Variants in RARB observed in about 807,000 individuals in gnomAD.
The protein encoded by RARB is HBV-activated protein.
In RARB, 17 loss-of-function variants were observed where a neutral mutation model predicts 51.9. The observed-to-expected ratio is 0.33, with a 90% CI of 0.22 to 0.49. The LOEUF (loss-of-function observed/expected upper bound fraction) is 0.49. Among genes scored for constraint, RARB ranks in the 20% least tolerant of loss-of-function variants. The pLI is 0.99. For synonymous variants in RARB, 215 were observed against 195.4 expected (o/e 1.10, Z -0.84); for missense variants, 369 against 550.8 (o/e 0.67, Z 3.30).
At chr3:24,954,815 AG>A (rs1459892857) in intron 2 of RARB, among the ~76,000 whole-genome samples, 29 of 152,316 alleles carry the variant, frequency 1.9e-4, no homozygotes, top group African/African-American at 7.0e-4. Context: ...ACTTGCAAAA[AG>A]GGTGTGACTC....
chr3:24,981,199 G>A (rs1696662857), intron 2 of RARB, among the ~76,000 whole-genome samples: 1 of 152,172 alleles, frequency 6.6e-6, no homozygotes, highest in African/African-American at 2.4e-5. Context: ...CCTGGGAGAT[G>A]TCTCCCAGTC....
chr3:24,860,338 C>T (rs1702727138), intron 2 of RARB, among the ~76,000 whole-genome samples: 1 of 152,326 alleles, frequency 6.6e-6, no homozygotes, highest in Non-Finnish European at 1.5e-5. Context: ...CTCACCTCCT[C>T]TCAGCCTTCT....
chr3:25,132,159 A>T lies in RARB; in HGVS notation c.-327-2A>T, dbSNP rs1442947308. Among the ~76,000 whole-genome samples the T allele has an allele frequency of 6.6e-6, 1 of 151,918 alleles. No individual in the cohort carries two copies. The highest frequency in any genetic ancestry group is 1.5e-5 in the Non-Finnish European group (1 of 67,908). ...CCCAGTTTTTCCTCTCTTCTCCTCA[A>T]GGAAGGCTTCAGTCTCTTCCTTCTT... On this transcript the variant is annotated splice_acceptor_variant, in intron 3 of 11. Transcript: ENST00000383772. LOFTEE classifies it low-confidence loss of function (5UTR_SPLICE).
chr3:25,311,877 G>T (rs1031877920), intron 5 of RARB, among the ~76,000 whole-genome samples: 10 of 152,148 alleles, frequency 6.6e-5, no homozygotes, highest in African/African-American at 2.4e-4. Flanking sequence ...CTCAAGCTCT[G>T]CCTCCTGGTT....
Position 25,190,049 on chromosome 3 carries a change from A to G in RARB, c.178+15474A>G, listed in dbSNP as rs142686101. ...TTGCATAGAGCCTCAGTTAAGCCCAATTTATTCCTCAGTTTGGGTCAATTT... is the reference window on the plus strand; with the variant it reads ...TTGCATAGAGCCTCAGTTAAGCCCAGTTTATTCCTCAGTTTGGGTCAATTT... On this transcript the variant is annotated intron_variant, in intron 5 of 11. Transcript: ENST00000383772. Among the ~76,000 whole-genome samples the G allele has an allele frequency of 4.3e-3, 652 of 152,218 alleles. 6 individuals carry two copies. Among genetic ancestry groups the G allele is most frequent in the African/African-American group, 0.015 (636 of 41,542 alleles).
chr3:25,492,449 A>G (rs926786321), intron 2 of RARB, among the ~76,000 whole-genome samples: 1 of 152,192 alleles, frequency 6.6e-6, no homozygotes, highest in Non-Finnish European at 1.5e-5. Context: ...CTGGGACATC[A>G]TAGACTTTGG....
At chr3:25,171,648 A>AAAAAAAAAAAC (rs1370973281) in intron 4 of RARB, among the ~76,000 whole-genome samples, 3 of 146,410 alleles carry the variant, frequency 2.0e-5, no homozygotes, top group East Asian at 4.0e-4. Context: ...GTTGGTAAAA[A>AAAAAAAAAAAC]AAAAAAAAAA....
At chr3:24,882,228 C>T (rs780228817) in intron 2 of RARB, among the ~76,000 whole-genome samples, 2 of 152,112 alleles carry the variant, frequency 1.3e-5, no homozygotes, top group Non-Finnish European at 2.9e-5. Flanking sequence ...AGTTGAGTTA[C>T]ATTAAACATA....
Position 24,877,346 on chromosome 3 carries a change from C to CTTTTTTTTTTTTTTTTTTTTTTTTT in RARB, c.-380+18611_-380+18612insTTTTTTTTTTTTTTTTTTTTTTTTT, listed in dbSNP as rs66976672. On this transcript the variant is annotated intron_variant, in intron 2 of 11. Coordinates refer to the RARB transcript ENST00000383772. The stretch of plus-strand genomic sequence containing the variant: ...ATAGTAATTTTTTAAAGCAATCTTA[C>CTTTTTTTTTTTTTTTTTTTTTTTTT]TTTTTTTTTTTTTTTTTGGAAAATT... 1.3e-3 allele frequency among the ~76,000 whole-genome samples: 104 copies of CTTTTTTTTTTTTTTTTTTTTTTTTT among 81,884 alleles called. 13 individuals carry two copies. The highest frequency in any genetic ancestry group is 3.7e-3 in the East Asian group (9 of 2,456). 53.7% of individuals were successfully genotyped at this position (81,884 alleles called of 152,430 possible).
At chr3:25,016,591 C>T (rs566905757) in intron 2 of RARB, among the ~76,000 whole-genome samples, 239 of 152,256 alleles carry the variant, frequency 1.6e-3, no homozygotes, top group African/African-American at 4.2e-3. Context: ...GAAGAAAGTA[C>T]GGTGGATACA....
chr3:24,881,990 A>G (rs1490661166), intron 2 of RARB, among the ~76,000 whole-genome samples: 1 of 152,220 alleles, frequency 6.6e-6, no homozygotes, highest in Non-Finnish European at 1.5e-5. Flanking sequence ...GTGCCACATG[A>G]CTCAGCTATA....
chr3:25,342,601 A>C (rs576265018), intron 5 of RARB, among the ~76,000 whole-genome samples: 2 of 152,332 alleles, frequency 1.3e-5, no homozygotes, highest in Admixed American at 6.5e-5. Flanking sequence ...GGTTGGACCC[A>C]ATATCAGCAA....
chr3:25,289,935 C>T (rs1460487148), intron 5 of RARB, among the ~76,000 whole-genome samples: 1 of 152,092 alleles, frequency 6.6e-6, no homozygotes, highest in East Asian at 1.9e-4. Flanking sequence ...AAGGATGTCA[C>T]CACAACTCTG....
chr3:24,981,403 T>C (rs1212284877), intron 2 of RARB, among the ~76,000 whole-genome samples: 3 of 152,186 alleles, frequency 2.0e-5, no homozygotes, highest in African/African-American at 4.8e-5. Context: ...GCAGTAGGCC[T>C]TGTTGAGCTG....
chr3:25,529,488 A>G (rs1242974850), intron 3 of RARB, among the ~76,000 whole-genome samples: 1 of 152,196 alleles, frequency 6.6e-6, no homozygotes, highest in Non-Finnish European at 1.5e-5. Flanking sequence ...CAAAACATGC[A>G]AAACAACCTT....
At chr3:25,021,133 T>C (rs1298723143) in intron 2 of RARB, among the ~76,000 whole-genome samples, 1 of 152,214 alleles carries the variant, frequency 6.6e-6, no homozygotes, top group East Asian at 1.9e-4. Flanking sequence ...AAAAGATCTA[T>C]GTGAAGGATT....
intron 5 of RARB, among the ~76,000 whole-genome samples, chr3:25,342,716 C>A (rs1291023921): frequency 6.6e-6 from 1 of 152,190 alleles, no homozygotes; most frequent in African/African-American, 2.4e-5. Context: ...CGCAGCCCTA[C>A]CTATGATACA....
chr3:24,837,302 G>A (rs2125328625), intron 1 of RARB, among the ~76,000 whole-genome samples: 1 of 152,294 alleles, frequency 6.6e-6, no homozygotes, highest in South Asian at 2.1e-4. Context: ...TGAATATATA[G>A]TCTTGTCTTC....
chr3:24,941,990 GGAA>G (rs1365495414), intron 2 of RARB, among the ~76,000 whole-genome samples: 10 of 152,200 alleles, frequency 6.6e-5, no homozygotes, highest in African/African-American at 2.4e-4. Context: ...CCCCTCAGAG[GGAA>G]GAAGTAGTTT....
Sources: allele counts gnomAD v4.1 joint callset (sites outside exome capture counted in the v4.1 genomes callset), GRCh38; gene constraint gnomAD v4.1.1; transcripts MANE v1.5; gene names NCBI Gene and HGNC (gene_info 2026-07-23, HGNC 2026-07-21).